The following NEMF variants were observed in gnomAD, a reference collection of about 807,000 sequenced individuals.
The protein encoded by NEMF is ribosome quality control complex subunit NEMF.
In NEMF, 89 loss-of-function variants were observed where a neutral mutation model predicts 162.2. The observed-to-expected ratio is 0.55, with a 90% CI of 0.46 to 0.65. NEMF has a LOEUF of 0.65. Ranked by LOEUF, NEMF falls within the 30% of genes least tolerant of loss-of-function variation. The pLI is 0.00. For missense variants in NEMF, 1,133 were observed against 1,261.9 expected (o/e 0.90, Z 1.55); for synonymous variants, 421 against 404.5 (o/e 1.04, Z -0.49).
rs1203889948 is a variant in NEMF, at chr14:49,846,270, C to A, written c.232-5G>T. 3 of 1,607,030 alleles carry A rather than the reference C, an allele frequency of 1.9e-6. No homozygotes were observed. Among genetic ancestry groups the A allele is most frequent in the Admixed American group, 1.7e-5 (1 of 57,262 alleles). On this transcript the variant is annotated splice_polypyrimidine_tract_variant and splice_region_variant and intron_variant, in intron 3 of 32. Transcript: ENST00000298310. ...ACTCTTCAAATGTTTTCGGCACTAG[C>A]AAGAGAAAGAAAAAGGCATTCATTT... is the stretch of plus-strand genomic sequence containing the variant.
intron 3 of NEMF, among the ~76,000 whole-genome samples, chr14:49,847,043 A>G (rs921785056): frequency 7.9e-5 from 12 of 151,912 alleles, no homozygotes; most frequent in African/African-American, 2.7e-4. Context: ...GTGCCACCAC[A>G]CCCGGCTAAT....
intron 27 of NEMF, 28 bp from the exon 28 acceptor site, chr14:49,789,371 A>C (rs755955080): frequency 5.6e-6 from 9 of 1,612,560 alleles, no homozygotes; most frequent in Non-Finnish European, 6.8e-6. Context: ...AACATCAGTC[A>C]GTGTTGTATT....
At chr14:49,795,091 T>C (rs1890630180) in intron 26 of NEMF, among the ~76,000 whole-genome samples, 2 of 151,832 alleles carry the variant, frequency 1.3e-5, no homozygotes, top group South Asian at 4.2e-4. Context: ...TACAAGCACT[T>C]TGGGAGGGTG....
At chr14:49,841,276 T>G (rs1348207613) in intron 4 of NEMF, among the ~76,000 whole-genome samples, 1 of 148,664 alleles carries the variant, frequency 6.7e-6, no homozygotes, top group East Asian at 2.0e-4. Flanking sequence ...TTGAGACTAC[T>G]TAAAAATTGA....
intron 16 of NEMF, chr14:49,820,430 A>G (rs934137249): frequency 2.2e-6 from 1 of 456,688 alleles, no homozygotes; most frequent in Non-Finnish European, 4.4e-6. Flanking sequence ...ACTTCGCTGA[A>G]GTTCCTTACC....
chr14:49,825,541 G>T (rs1433939304), intron 16 of NEMF, among the ~76,000 whole-genome samples: 1 of 152,138 alleles, frequency 6.6e-6, no homozygotes, highest in African/African-American at 2.4e-5. Context: ...TTTGAGACCA[G>T]CCTGGGCAAC....
At chr14:49,787,418 G>A (rs765523592) in intron 28 of NEMF, among the ~76,000 whole-genome samples, 64 of 152,334 alleles carry the variant, frequency 4.2e-4, no homozygotes, top group African/African-American at 1.4e-3. Flanking sequence ...GGGTGTGGTG[G>A]CTCATACCTG....
intron 27 of NEMF, 34 bp from the exon 28 acceptor site, chr14:49,789,377 G>T (rs375101141): frequency 6.2e-7 from 1 of 1,611,872 alleles, no homozygotes; most frequent in Non-Finnish European, 8.5e-7. Context: ...AGTCAGTGTT[G>T]TATTTTCAAT....
At position 49,852,061 on chromosome 14, in the gene NEMF, G is replaced by A. The variant is rs562067032; in HGVS notation, c.60-186C>T. On this transcript the variant is annotated intron_variant, in intron 1 of 32. Transcript: ENST00000298310. ...ACTTAAGAGTAACGATTTAAAAACA[G>A]AAGTGGTCTATCAGCTCTAGGAACA... is the stretch of plus-strand genomic sequence containing the variant. 1.5e-4 allele frequency among the ~76,000 whole-genome samples: 23 copies of A among 152,292 alleles called. No individual in the cohort carries two copies. The South Asian group carries it at 4.8e-3, about 32-fold the overall frequency.
intron 16 of NEMF, among the ~76,000 whole-genome samples, chr14:49,820,697 C>T (rs754846743): frequency 6.6e-6 from 1 of 152,120 alleles, no homozygotes; most frequent in Admixed American, 6.5e-5. Flanking sequence ...GCTGCCATCT[C>T]GGCTCACTGC....
chr14:49,799,207 C>CA (rs780442972), intron 25 of NEMF, among the ~76,000 whole-genome samples: 1,172 of 59,028 alleles, frequency 0.02, 198 homozygotes, highest in East Asian at 0.069. Flanking sequence ...GACCCTGTTT[C>CA]AAAAAAAAAA....
chr14:49,826,898 A>T (rs1454781005), intron 15 of NEMF, among the ~76,000 whole-genome samples: 1 of 152,206 alleles, frequency 6.6e-6, no homozygotes, highest in Non-Finnish European at 1.5e-5. Flanking sequence ...GGATTCTCTG[A>T]TTAAATCTCA....
chr14:49,842,948 G>A (rs1015831296), intron 4 of NEMF, among the ~76,000 whole-genome samples: 13 of 151,386 alleles, frequency 8.6e-5, no homozygotes, highest in African/African-American at 2.9e-4. Context: ...GGAGGTTGCA[G>A]TGAGCCAAGA....
At chr14:49,802,302 A>C in intron 22 of NEMF, 151 bp downstream of exon 22, 1 of 758,502 alleles carries the variant, frequency 1.3e-6, no homozygotes, top group Non-Finnish European at 2.1e-6. Flanking sequence ...TCCAAAAAAA[A>C]AAAAATTCAG....
At chr14:49,831,986 C>T in intron 10 of NEMF, 65 bp downstream of exon 10, 1 of 1,058,446 alleles carries the variant, frequency 9.4e-7, no homozygotes, top group Non-Finnish European at 1.4e-6. Flanking sequence ...TCAATAGAAG[C>T]AAGTTGATAT....
At chr14:49,824,544 C>CAAAAA (rs34629301) in intron 16 of NEMF, among the ~76,000 whole-genome samples, 1 of 118,938 alleles carries the variant, frequency 8.4e-6, no homozygotes, top group Non-Finnish European at 1.7e-5. Context: ...AATTCCGTCT[C>CAAAAA]AAAAAAAAAA....
Position 49,851,875 on chromosome 14 carries a change from G to A in NEMF, c.60C>T (p.Ser20=), listed in dbSNP as rs374703062. ...LRAVLAELNA[S]LLGMRVNNVY... ...CATTGTTTACTCTCATTCCTAGCAA[G>A]CTGCAAAGATAAAGGAAACATGTAA... The change falls in exon 2 of 33, where the codon AGC becomes AGT. Residue 20 remains serine (S), a splice_region_variant and synonymous_variant. Transcript: ENST00000298310. 1.9e-6 allele frequency: 3 copies of A among 1,562,458 alleles called. No homozygotes were observed. The highest frequency in any genetic ancestry group is 1.2e-5 in the South Asian group (1 of 86,350).
chr14:49,816,770 T>G (rs1891735947), intron 16 of NEMF, among the ~76,000 whole-genome samples: 1 of 152,242 alleles, frequency 6.6e-6, no homozygotes, highest in East Asian at 1.9e-4. Flanking sequence ...GCACTACACT[T>G]ACTTAACCAT....
chr14:49,817,963 A>G (rs4898639), intron 16 of NEMF, among the ~76,000 whole-genome samples: 143,015 of 152,164 alleles, frequency 0.94, 67,855 homozygotes, highest in Non-Finnish European at 1. Flanking sequence ...GAACATTACA[A>G]GAAATGAAAA....
Sources: gnomAD v4.1 joint callset for allele counts (sites outside exome capture counted in the v4.1 genomes callset) on GRCh38, gnomAD v4.1.1 for gene constraint, MANE v1.5 for transcripts, NCBI Gene and HGNC (gene_info 2026-07-23, HGNC 2026-07-21) for gene names.